The following TRMT11 variants were observed in gnomAD, a reference collection of about 807,000 sequenced individuals.
TRMT11 encodes tRNA (guanine(10)-N(2))-methyltransferase TRMT11.
A neutral mutation model predicts 62.8 loss-of-function variants in TRMT11; 53 were observed. The ratio of observed to expected loss-of-function variants is 0.84; its 90% CI spans 0.68 to 1.06. The LOEUF (loss-of-function observed/expected upper bound fraction) is 1.06. Ranked by LOEUF, TRMT11 falls within the 50% of genes least tolerant of loss-of-function variation. The pLI, the probability that TRMT11 is intolerant of heterozygous loss-of-function variation, is 0.00. For missense variants in TRMT11, 556 were observed against 553.4 expected (o/e 1.00, Z -0.05); for synonymous variants, 188 against 190.3 (o/e 0.99, Z 0.10).
intron 1 of TRMT11, among the ~76,000 whole-genome samples, chr6:126,190,355 A>T (rs2128246234): frequency 6.6e-6 from 1 of 152,214 alleles, no homozygotes; most frequent in East Asian, 1.9e-4. Context: ...ATAGGGAGTG[A>T]GTTCTCATGA....
At chr6:126,228,387 G>A in the TRMT11 span, among the ~76,000 whole-genome samples, 1 of 152,196 alleles carries the variant, frequency 6.6e-6, no homozygotes, top group Non-Finnish European at 1.5e-5. Context: ...AAGTTCCTGA[G>A]ATGAAGCCAT....
chr6:125,999,621 T>C lies in TRMT11; in HGVS notation c.679+8T>C, dbSNP rs759708850. On this transcript the variant is annotated splice_region_variant and intron_variant, in intron 7 of 12. Coordinates refer to ENST00000334379, the MANE Select transcript of TRMT11 (RefSeq NM_001031712.3). ...ATCCATTTGTTGGAACAGGTATTTT[T>C]ATTTAACTTTTAAGCTAGTGTAGAG... 2 of 1,604,028 alleles carry C rather than the reference T, an allele frequency of 1.2e-6. No homozygotes were observed. Among genetic ancestry groups the C allele is most frequent in the Admixed American group, 1.7e-5 (1 of 58,720 alleles).
chr6:126,084,906 G>T (rs1777197669), intron 17 of TRMT11, among the ~76,000 whole-genome samples: 1 of 152,088 alleles, frequency 6.6e-6, no homozygotes. Flanking sequence ...AGAGTAGAAG[G>T]GTGGTTACCA....
At chr6:126,168,833 T>C (rs1005025344) in intron 21 of TRMT11, among the ~76,000 whole-genome samples, 2 of 152,178 alleles carry the variant, frequency 1.3e-5, no homozygotes, top group African/African-American at 2.4e-5. Flanking sequence ...AGAAATGTTA[T>C]AAAAGTACAA....
rs550150403 is a variant in TRMT11, at chr6:126,013,708, T to TA, written c.1139+613dup. On this transcript the variant is annotated intron_variant, in intron 11 of 12. Transcript: ENST00000334379. ...AGTTTTTAGATTTTTGAAGTGTTGTTAAAAAATATCCACACAAAATAATGT... is the reference window on the plus strand; with the variant it reads ...AGTTTTTAGATTTTTGAAGTGTTGTTAAAAAAATATCCACACAAAATAATGT... Among the ~76,000 whole-genome samples, 9 of 152,282 alleles carry TA rather than the reference T, an allele frequency of 5.9e-5. No homozygotes were observed. In the South Asian group the frequency reaches 1.7e-3, roughly 28 times the overall value.
intron 1 of TRMT11, among the ~76,000 whole-genome samples, chr6:125,991,763 A>T (rs1213692650): frequency 6.6e-6 from 1 of 152,238 alleles, no homozygotes; most frequent in Non-Finnish European, 1.5e-5. Context: ...GATCAGGAAT[A>T]TAAGTGTGGT....
chr6:126,087,799 G>A (rs1304279326), intron 17 of TRMT11, among the ~76,000 whole-genome samples: 1 of 152,186 alleles, frequency 6.6e-6, no homozygotes, highest in Admixed American at 6.5e-5. Flanking sequence ...AAATGCTGAA[G>A]TTTCTTCCTC....
chr6:126,003,182 C>T (rs934287582), intron 7 of TRMT11, among the ~76,000 whole-genome samples: 4 of 152,068 alleles, frequency 2.6e-5, no homozygotes, highest in East Asian at 1.9e-4. Flanking sequence ...TTATCCAACC[C>T]GCAGCCCATG....
the TRMT11 span, among the ~76,000 whole-genome samples, chr6:126,261,873 C>A: frequency 6.6e-6 from 1 of 152,152 alleles, no homozygotes; most frequent in African/African-American, 2.4e-5. Context: ...GAGTTCATTA[C>A]TGGGATAGCT....
chr6:126,078,614 G>A (rs1321877723), intron 17 of TRMT11, among the ~76,000 whole-genome samples: 1 of 152,176 alleles, frequency 6.6e-6, no homozygotes, highest in Non-Finnish European at 1.5e-5. Flanking sequence ...AGGTTAGAGA[G>A]TCAAGCTGCT....
downstream of TRMT11, among the ~76,000 whole-genome samples, chr6:126,203,464 G>C (rs775629751): frequency 2.3e-4 from 35 of 152,162 alleles, no homozygotes; most frequent in Non-Finnish European, 3.5e-4. Context: ...TCTGTTTTAT[G>C]ACTTCAGCCT....
intron 17 of TRMT11, among the ~76,000 whole-genome samples, chr6:126,101,451 A>C (rs1259928009): frequency 2.0e-5 from 3 of 152,220 alleles, no homozygotes; most frequent in African/African-American, 7.2e-5. Flanking sequence ...CATCAGGTGT[A>C]TCTGTTCCCA....
intron 12 of TRMT11, among the ~76,000 whole-genome samples, chr6:126,026,239 A>G (rs1773055380): frequency 6.6e-6 from 1 of 152,212 alleles, no homozygotes; most frequent in South Asian, 2.1e-4. Flanking sequence ...TTTTGCTTAA[A>G]TAGTAAGTGG....
chr6:126,070,500 A>G (rs1776821412), intron 17 of TRMT11, among the ~76,000 whole-genome samples: 1 of 152,226 alleles, frequency 6.6e-6, no homozygotes, highest in African/African-American at 2.4e-5. Context: ...CAGAAACCTG[A>G]AATGAAGAAA....
intron 1 of TRMT11, among the ~76,000 whole-genome samples, chr6:126,182,125 C>T (rs115640259): frequency 4.1e-4 from 63 of 152,128 alleles, no homozygotes; most frequent in African/African-American, 1.5e-3. Flanking sequence ...GTAAATATTA[C>T]GTATTAACAT....
intron 21 of TRMT11, among the ~76,000 whole-genome samples, chr6:126,168,540 A>G (rs1352069802): frequency 6.6e-6 from 1 of 152,190 alleles, no homozygotes; most frequent in African/African-American, 2.4e-5. Flanking sequence ...TTTTTCCAAG[A>G]AGGAGTCTTG....
chr6:126,096,332 T>C (rs1198141275), intron 17 of TRMT11, among the ~76,000 whole-genome samples: 1 of 152,152 alleles, frequency 6.6e-6, no homozygotes, highest in East Asian at 1.9e-4. Flanking sequence ...CAGCTATGGG[T>C]ATCTCCAGGA....
At chr6:126,221,123 T>C in the TRMT11 span, among the ~76,000 whole-genome samples, 1 of 152,238 alleles carries the variant, frequency 6.6e-6, no homozygotes, top group Admixed American at 6.5e-5. Flanking sequence ...TAGTATTCCA[T>C]GATGTATATG....
At chr6:126,126,626 T>A (rs978561179) in intron 21 of TRMT11, among the ~76,000 whole-genome samples, 1 of 152,080 alleles carries the variant, frequency 6.6e-6, no homozygotes, top group Non-Finnish European at 1.5e-5. Context: ...TCATGTTTTC[T>A]CTCCCTGGCA....
Sources: gnomAD v4.1 joint callset for allele counts (sites outside exome capture counted in the v4.1 genomes callset) on GRCh38, gnomAD v4.1.1 for gene constraint, MANE v1.5 for transcripts, NCBI Gene and HGNC (gene_info 2026-07-23, HGNC 2026-07-21) for gene names.